Variants in TAF4B observed in about 807,000 individuals in gnomAD.
The protein encoded by TAF4B is TATA-box binding protein associated factor 4b.
Under a neutral mutation model 86.4 loss-of-function variants are expected in TAF4B, and 38 were observed. That is an observed-to-expected ratio of 0.44 (90% CI 0.34 to 0.58). The LOEUF is 0.58. Ranked by LOEUF, TAF4B falls within the 20% of genes least tolerant of loss-of-function variation. The pLI is 0.02. For missense variants in TAF4B, 988 were observed against 1,027.6 expected (o/e 0.96, Z 0.53); for synonymous variants, 388 against 391.2 (o/e 0.99, Z 0.10).
chr18:26,261,172 ATTTTTTTTT>A (rs71169839), intron 1 of TAF4B, among the ~76,000 whole-genome samples: 19 of 77,116 alleles, frequency 2.5e-4, no homozygotes, highest in Non-Finnish European at 3.5e-4. Context: ...GAGCACTGTC[ATTTTTTTTT>A]TTTTTTTTTT....
At chr18:26,318,084 G>T (rs918364662) in intron 10 of TAF4B, among the ~76,000 whole-genome samples, 1 of 152,168 alleles carries the variant, frequency 6.6e-6, no homozygotes, top group African/African-American at 2.4e-5. Flanking sequence ...CCAGGCTGGA[G>T]TACAGTGGTG....
At chr18:26,231,033 G>GTTTTTTTT (rs1291857583) in intron 1 of TAF4B, among the ~76,000 whole-genome samples, 2 of 78,062 alleles carry the variant, frequency 2.6e-5, no homozygotes, top group Non-Finnish European at 2.7e-5. Flanking sequence ...GTGTTGTTTT[G>GTTTTTTTT]CTTTTTTTTT....
intron 11 of TAF4B, among the ~76,000 whole-genome samples, chr18:26,323,256 CT>C (rs1360165310): frequency 6.6e-6 from 1 of 152,122 alleles, no homozygotes. Flanking sequence ...ATGTTAAGTC[CT>C]CTGTTTCCTT....
At chr18:26,377,146 G>T (rs182629558) in intron 14 of TAF4B, among the ~76,000 whole-genome samples, 144 of 152,128 alleles carry the variant, frequency 9.5e-4, no homozygotes, top group South Asian at 2.3e-3. Flanking sequence ...GTTTTTTCAT[G>T]ATGTCTTTAG....
intron 1 of TAF4B, chr18:26,256,230 C>G: frequency 6.3e-7 from 1 of 1,587,896 alleles, no homozygotes; most frequent in South Asian, 1.1e-5. Context: ...CTCATGCAAT[C>G]CAGAACAGCT....
chr18:26,303,028 CTTTA>C (rs2056753879), intron 9 of TAF4B, among the ~76,000 whole-genome samples: 1 of 151,840 alleles, frequency 6.6e-6, no homozygotes, highest in African/African-American at 2.4e-5. Flanking sequence ...TCTCCTTCTT[CTTTA>C]TTTCCTTTTC....
chr18:26,234,214 G>A (rs1360882090), intron 1 of TAF4B, among the ~76,000 whole-genome samples: 1 of 152,214 alleles, frequency 6.6e-6, no homozygotes, highest in African/African-American at 2.4e-5. Flanking sequence ...TTCCTAATGG[G>A]AGATTCTGCC....
chr18:26,353,398 C>A (rs1299532873), intron 13 of TAF4B, among the ~76,000 whole-genome samples: 2 of 152,108 alleles, frequency 1.3e-5, no homozygotes, highest in African/African-American at 4.8e-5. Context: ...AATTTAAAAT[C>A]CATTAATGAT....
chr18:26,315,941 G>C (rs1320062719), intron 10 of TAF4B, among the ~76,000 whole-genome samples: 1 of 152,172 alleles, frequency 6.6e-6, no homozygotes, highest in Non-Finnish European at 1.5e-5. Flanking sequence ...GGTGTCTCAT[G>C]CCTGTAATCC....
intron 1 of TAF4B, among the ~76,000 whole-genome samples, chr18:26,235,905 G>C (rs2055741180): frequency 1.3e-5 from 2 of 152,194 alleles, no homozygotes; most frequent in South Asian, 4.1e-4. Context: ...CCTAGAATTG[G>C]GGTGTTGCAG....
At chr18:26,275,295 A>G (rs910439698) in intron 5 of TAF4B, among the ~76,000 whole-genome samples, 11 of 152,250 alleles carry the variant, frequency 7.2e-5, no homozygotes, top group African/African-American at 2.6e-4. Flanking sequence ...AGCTGGGATT[A>G]CAGGTGTGCA....
At chr18:26,241,471 CTCTTT>C (rs2055837622) in intron 1 of TAF4B, among the ~76,000 whole-genome samples, 1 of 152,124 alleles carries the variant, frequency 6.6e-6, no homozygotes. Context: ...TGATTCTTCT[CTCTTT>C]TCTTCTTTAT....
chr18:26,347,953 C>A (rs989057124), intron 13 of TAF4B, among the ~76,000 whole-genome samples: 19 of 151,994 alleles, frequency 1.3e-4, no homozygotes, highest in Non-Finnish European at 2.4e-4. Context: ...AAAGATAGAT[C>A]CCAATACAGT....
At chr18:26,356,104 A>G (rs2057286563) in intron 13 of TAF4B, among the ~76,000 whole-genome samples, 1 of 152,182 alleles carries the variant, frequency 6.6e-6, no homozygotes, top group Admixed American at 6.5e-5. Context: ...TCACAGTTAT[A>G]GAGGCTAGGA....
chr18:26,307,334 T>C (rs2056805728), intron 9 of TAF4B, among the ~76,000 whole-genome samples: 1 of 152,168 alleles, frequency 6.6e-6, no homozygotes, highest in Non-Finnish European at 1.5e-5. Context: ...CTTGTCAGTA[T>C]AGCTGGGGTG....
At chr18:26,352,859 T>C (rs2057256618) in intron 13 of TAF4B, among the ~76,000 whole-genome samples, 1 of 152,224 alleles carries the variant, frequency 6.6e-6, no homozygotes, top group African/African-American at 2.4e-5. Flanking sequence ...GCACAAACTA[T>C]CAAAACTTAC....
At chr18:26,271,056 AAAG>A (rs2056310155) in intron 3 of TAF4B, among the ~76,000 whole-genome samples, 1 of 152,232 alleles carries the variant, frequency 6.6e-6, no homozygotes, top group Admixed American at 6.5e-5. Context: ...GGAAATTAGT[AAAG>A]AATGAAGTTA....
At chr18:26,372,548 C>T (rs1227961992) in intron 14 of TAF4B, among the ~76,000 whole-genome samples, 1 of 152,162 alleles carries the variant, frequency 6.6e-6, no homozygotes, top group Non-Finnish European at 1.5e-5. Context: ...TCTTACTAAC[C>T]TACATCAGGG....
chr18:26,304,706 T>C (rs1296081158), intron 9 of TAF4B: 3 of 985,238 alleles, frequency 3.0e-6, no homozygotes, highest in Non-Finnish European at 3.6e-6. Flanking sequence ...TCATTTGCCC[T>C]TGAGGCAATT....
Sources: gnomAD v4.1 joint callset for allele counts (sites outside exome capture counted in the v4.1 genomes callset) on GRCh38, gnomAD v4.1.1 for gene constraint, MANE v1.5 for transcripts, NCBI Gene and HGNC (gene_info 2026-07-23, HGNC 2026-07-21) for gene names.